GABRA4: variants seen among roughly 807,000 people sequenced by gnomAD.
The protein encoded by GABRA4 is gamma-aminobutyric acid type A receptor subunit alpha4.
A neutral mutation model predicts 49.7 loss-of-function variants in GABRA4; 12 were observed. The ratio of observed to expected loss-of-function variants is 0.24; its 90% CI spans 0.15 to 0.39. The LOEUF is 0.39. Among genes scored for constraint, GABRA4 ranks in the 10% least tolerant of loss-of-function variants. GABRA4 has a pLI of 1.00. For missense variants in GABRA4, 506 were observed against 686.0 expected, an observed-to-expected ratio of 0.74 and a Z score of 2.93; for synonymous variants, 288 against 240.2, an observed-to-expected ratio of 1.20 and a Z score of -1.84.
chr4:46,989,562 AC>A (rs1723670142), intron 2 of GABRA4, among the ~76,000 whole-genome samples: 1 of 152,192 alleles, frequency 6.6e-6, no homozygotes. Flanking sequence ...AAAAAAGGAA[AC>A]CATTTCAGTT....
chr4:46,921,811 A>G lies in GABRA4; in HGVS notation c.*6414T>C, dbSNP rs954260384. The G allele has an allele frequency of 4.6e-5, 7 of 152,140 alleles. No homozygotes were observed. Among genetic ancestry groups the G allele is most frequent in the Non-Finnish European group, 8.8e-5 (6 of 68,002 alleles). The allele number at this position is 152,140 out of a possible 1,614,324, so 9.4% of individuals were successfully genotyped here. On this transcript the variant is annotated 3_prime_UTR_variant, in exon 9 of 9. Coordinates refer to ENST00000264318, the MANE Select transcript of GABRA4 (RefSeq NM_000809.4). ...AAATTGAGAAAAAAAAATGAAAACC[A>G]TATCTGTAATTAACAAGTAATTGAT...
Position 46,968,627 on chromosome 4 carries a change from A to G in GABRA4, c.874+2456T>C, listed in dbSNP as rs979557912. 1.2e-4 allele frequency among the ~76,000 whole-genome samples: 18 copies of G among 151,800 alleles called. No homozygotes were observed. The East Asian group carries it at 3.5e-3, about 30-fold the overall frequency. ...ACCTTGCTGAGTAATTATTAAGGTT[A>G]ACAATATTTGGCAAATCTGTTTATC... On this transcript the variant is annotated intron_variant, in intron 7 of 8. Transcript: ENST00000264318.
At chr4:46,991,301 C>G (rs1238916086) in intron 2 of GABRA4, among the ~76,000 whole-genome samples, 1 of 152,186 alleles carries the variant, frequency 6.6e-6, no homozygotes, top group African/African-American at 2.4e-5. Flanking sequence ...TGATCTCATC[C>G]TATCATTGAT....
chr4:46,988,083 C>T (rs1203546489), intron 2 of GABRA4, among the ~76,000 whole-genome samples: 1 of 152,102 alleles, frequency 6.6e-6, no homozygotes, highest in Non-Finnish European at 1.5e-5. Flanking sequence ...CACTTAATTG[C>T]TTTGTTCTCT....
chr4:46,961,460 C>T (rs112843835), intron 8 of GABRA4, among the ~76,000 whole-genome samples: 10 of 151,962 alleles, frequency 6.6e-5, no homozygotes, highest in African/African-American at 2.4e-4. Flanking sequence ...TCTGCCTCCT[C>T]TCCCTTGCCC....
At chr4:46,976,446 A>G in intron 5 of GABRA4, among the ~76,000 whole-genome samples, 1 of 149,750 alleles carries the variant, frequency 6.7e-6, no homozygotes, top group Non-Finnish European at 1.5e-5. Context: ...AAGGCTTCCC[A>G]TAGCTTTTAG....
rs1369597089 is a variant in GABRA4, at chr4:46,928,176, G to C, written c.*49C>G. 1 of 1,399,036 alleles carries C rather than the reference G, an allele frequency of 7.1e-7. No homozygotes were observed. The highest frequency in any genetic ancestry group is 2.2e-5 in the Admixed American group (1 of 44,472). 86.7% of individuals were successfully genotyped at this position (1,399,036 alleles called of 1,614,324 possible). The stretch of plus-strand genomic sequence containing the variant: ...GTTTATATTTAAAAACATTTAAAAA[G>C]ACATTCTGCATTTTCATCATCTTTT... On this transcript the variant is annotated 3_prime_UTR_variant, in exon 9 of 9. Coordinates refer to ENST00000264318, the MANE Select transcript of GABRA4 (RefSeq NM_000809.4).
At chr4:46,969,932 CT>C (rs1722890426) in intron 7 of GABRA4, among the ~76,000 whole-genome samples, 2 of 151,318 alleles carry the variant, frequency 1.3e-5, no homozygotes, top group African/African-American at 4.8e-5. Context: ...CACTGCTTTC[CT>C]AAGATCACAC....
intron 8 of GABRA4, among the ~76,000 whole-genome samples, chr4:46,956,352 A>C (rs2109363769): frequency 6.6e-6 from 1 of 152,228 alleles, no homozygotes; most frequent in African/African-American, 2.4e-5. Flanking sequence ...GAATAAAATA[A>C]GATTTGTTGC....
chr4:46,973,268 G>T (rs1417718974), intron 6 of GABRA4, among the ~76,000 whole-genome samples: 2 of 151,676 alleles, frequency 1.3e-5, no homozygotes, highest in African/African-American at 2.4e-5. Context: ...AATAATAGGA[G>T]GTTGGCTTTG....
chr4:46,952,734 G>A (rs1462892919), intron 8 of GABRA4, among the ~76,000 whole-genome samples: 1 of 152,036 alleles, frequency 6.6e-6, no homozygotes, highest in Non-Finnish European at 1.5e-5. Flanking sequence ...ATAACTAAAT[G>A]TTGAGGAAAG....
intron 8 of GABRA4, among the ~76,000 whole-genome samples, chr4:46,950,576 A>T (rs1369733674): frequency 6.6e-6 from 1 of 151,804 alleles, no homozygotes; most frequent in Non-Finnish European, 1.5e-5. Flanking sequence ...GCTCAACCTA[A>T]TAAAATTTAG....
At position 46,971,093 on chromosome 4, in the gene GABRA4, C is replaced by T; in HGVS notation, c.864G>A (p.Arg288=). 6.2e-7 allele frequency: 1 copy of T among 1,608,564 alleles called. No individual in the cohort carries two copies. Among genetic ancestry groups the T allele is most frequent in the East Asian group, 2.2e-5 (1 of 44,598 alleles). The change falls in exon 7 of 9, where the codon AGG becomes AGA. Residue 288 remains arginine (R), a synonymous_variant. Coordinates refer to ENST00000264318, the MANE Select transcript of GABRA4 (RefSeq NM_000809.4). ...FWINKESVPA[R]TVFGITTVLT... ...ATGAATTGCAATTACCAAATACAGT[C>T]CTAGCGGGAACTGATTCTTTATTTA...
chr4:46,953,342 T>A (rs1722237367), intron 8 of GABRA4, among the ~76,000 whole-genome samples: 1 of 152,126 alleles, frequency 6.6e-6, no homozygotes, highest in South Asian at 2.1e-4. Flanking sequence ...CTGGATTATT[T>A]ATATCACTAT....
chr4:46,964,847 C>T (rs1404696164), intron 8 of GABRA4, 123 bp downstream of exon 8: 1 of 1,061,754 alleles, frequency 9.4e-7, no homozygotes. Context: ...TTATGTTTTT[C>T]TGTATTTTTA....
At chr4:46,960,852 G>T (rs1722548474) in intron 8 of GABRA4, among the ~76,000 whole-genome samples, 1 of 151,518 alleles carries the variant, frequency 6.6e-6, no homozygotes, top group Non-Finnish European at 1.5e-5. Context: ...CAGAAAGATG[G>T]AATTCAAATA....
chr4:46,945,831 A>G (rs576472239), intron 8 of GABRA4, among the ~76,000 whole-genome samples: 1 of 152,288 alleles, frequency 6.6e-6, no homozygotes, highest in South Asian at 2.1e-4. Flanking sequence ...AGACTTTGGT[A>G]GATACTAGCA....
At chr4:46,942,828 C>T (rs1194462076) in intron 8 of GABRA4, among the ~76,000 whole-genome samples, 1 of 151,966 alleles carries the variant, frequency 6.6e-6, no homozygotes, top group Non-Finnish European at 1.5e-5. Context: ...TGTCAGTTAT[C>T]ACAGTTTTCT....
rs1309722631 is a variant in GABRA4 at position 46,971,688 on chromosome 4, AAAGT to A, written c.722-457_722-454del. 4.0e-5 allele frequency among the ~76,000 whole-genome samples: 6 copies of A among 150,936 alleles called. No individual in the cohort carries two copies. In the East Asian group the frequency reaches 1.2e-3, roughly 29 times the overall value. The stretch of plus-strand genomic sequence containing the variant: ...ATGAAAATATAAAGTTTAATTTTAG[AAAGT>A]AATAAATATACATATTTATATATAA... On this transcript the variant is annotated intron_variant, in intron 6 of 8. Transcript: ENST00000264318.
Sources: allele counts gnomAD v4.1 joint callset (sites outside exome capture counted in the v4.1 genomes callset), GRCh38; gene constraint gnomAD v4.1.1; transcripts MANE v1.5; gene names NCBI Gene and HGNC (gene_info 2026-07-23, HGNC 2026-07-21).